SCML4: variants seen among roughly 807,000 people sequenced by gnomAD.
The protein encoded by SCML4 is Scm polycomb group protein like 4, also known as sex comb on midleg-like protein 4.
A neutral mutation model predicts 41.1 loss-of-function variants in SCML4; 34 were observed. That is an observed-to-expected ratio of 0.83 (90% CI 0.63 to 1.10). The LOEUF (loss-of-function observed/expected upper bound fraction) is 1.10. Among genes scored for constraint, SCML4 ranks in the 50% least tolerant of loss-of-function variants. The pLI, the probability that SCML4 is intolerant of heterozygous loss-of-function variation, is 0.00. For synonymous variants in SCML4, 214 were observed against 220.9 expected, an observed-to-expected ratio of 0.97 and a Z score of 0.28; for missense variants, 522 against 534.1, an observed-to-expected ratio of 0.98 and a Z score of 0.22.
Position 107,702,635 on chromosome 6 carries a change from G to A in SCML4, c.*2565C>T, listed in dbSNP as rs1773274744. On this transcript the variant is annotated 3_prime_UTR_variant, in exon 8 of 8. Coordinates refer to ENST00000369020, the MANE Select transcript of SCML4 (RefSeq NM_198081.5). ...GTTCTGAGTACATAACCTGCCCATG[G>A]CTGTTTTGAGGGAAATGTATCTAAC... Among the ~76,000 whole-genome samples, 1 of 152,170 alleles carries A rather than the reference G, an allele frequency of 6.6e-6. No individual in the cohort carries two copies. Among genetic ancestry groups the A allele is most frequent in the South Asian group, 2.1e-4 (1 of 4,834 alleles).
intron 7 of SCML4, among the ~76,000 whole-genome samples, chr6:107,707,432 G>T (rs1773763794): frequency 2.6e-5 from 4 of 152,146 alleles, no homozygotes; most frequent in Admixed American, 2.6e-4. Flanking sequence ...AATGCTATCT[G>T]CTCAGTGAAG....
At chr6:107,734,968 T>C (rs1315416033) in intron 5 of SCML4, among the ~76,000 whole-genome samples, 1 of 152,132 alleles carries the variant, frequency 6.6e-6, no homozygotes, top group Non-Finnish European at 1.5e-5. Context: ...CTCCACCTCC[T>C]GGGTTCAAGA....
At chr6:107,809,041 G>C (rs1002817830) in intron 1 of SCML4, among the ~76,000 whole-genome samples, 1 of 21,362 alleles carries the variant, frequency 4.7e-5, no homozygotes, top group African/African-American at 1.4e-4. Flanking sequence ...TACAGGCGTG[G>C]CTTCTGGGAG....
intron 1 of SCML4, among the ~76,000 whole-genome samples, chr6:107,773,114 C>T (rs930577812): frequency 3.3e-5 from 5 of 152,102 alleles, no homozygotes; most frequent in Admixed American, 1.3e-4. Context: ...AAAAAAGCAT[C>T]GCACATTAAA....
At chr6:107,808,625 AAG>A (rs1206707429) in intron 1 of SCML4, among the ~76,000 whole-genome samples, 8 of 152,174 alleles carry the variant, frequency 5.3e-5, no homozygotes. Flanking sequence ...GAAGTGAGAA[AAG>A]AGAACTCCAG....
intron 2 of SCML4, among the ~76,000 whole-genome samples, chr6:107,755,037 G>A (rs565583749): frequency 8.6e-5 from 13 of 152,008 alleles, no homozygotes; most frequent in Admixed American, 2.0e-4. Context: ...CCAGGAGATC[G>A]AGGCTGCAGT....
At chr6:107,726,532 C>CAAAAAAA (rs59013088) in intron 5 of SCML4, among the ~76,000 whole-genome samples, 2,913 of 72,338 alleles carry the variant, frequency 0.04, 135 homozygotes, top group Admixed American at 0.081. Context: ...GACTCCATCT[C>CAAAAAAA]AAAAAAAAAA....
At chr6:107,830,240 G>A in the SCML4 span, among the ~76,000 whole-genome samples, 11 of 152,264 alleles carry the variant, frequency 7.2e-5, no homozygotes, top group Admixed American at 3.3e-4. Flanking sequence ...AAGGAAAAAC[G>A]ACTCACTCAA....
intron 2 of SCML4, among the ~76,000 whole-genome samples, chr6:107,754,924 G>A (rs985982743): frequency 2.0e-5 from 3 of 152,102 alleles, no homozygotes; most frequent in African/African-American, 7.2e-5. Context: ...ACAACATAGT[G>A]ATATCTCTTT....
intron 1 of SCML4, among the ~76,000 whole-genome samples, chr6:107,795,640 G>A (rs1370305455): frequency 7.9e-5 from 12 of 151,994 alleles, no homozygotes; most frequent in Admixed American, 7.9e-4. Flanking sequence ...TGATTCTCCT[G>A]CCTCAGCCTC....
intron 2 of SCML4, among the ~76,000 whole-genome samples, chr6:107,756,489 C>A (rs185600876): frequency 4.6e-5 from 7 of 152,298 alleles, no homozygotes; most frequent in Non-Finnish European, 1.0e-4. Context: ...TTCTGAGCAA[C>A]TTTCCCAGCC....
chr6:107,716,014 A>G (rs1372251723), intron 6 of SCML4, among the ~76,000 whole-genome samples: 8 of 151,822 alleles, frequency 5.3e-5, no homozygotes, highest in Non-Finnish European at 1.0e-4. Context: ...GTGTGGGGGG[A>G]CCCACAGCAG....
intron 2 of SCML4, among the ~76,000 whole-genome samples, chr6:107,771,719 C>T (rs778839512): frequency 6.6e-6 from 1 of 152,206 alleles, no homozygotes; most frequent in African/African-American, 2.4e-5. Context: ...TTCCCATGTC[C>T]TTTGACACTG....
upstream of SCML4, among the ~76,000 whole-genome samples, chr6:107,828,694 G>A (rs759469650): frequency 7.9e-5 from 12 of 152,172 alleles, no homozygotes; most frequent in Non-Finnish European, 1.5e-4. Flanking sequence ...ACAAGTTTGA[G>A]AACCTTAGGG....
Position 107,728,306 on chromosome 6 carries a change from T to G in SCML4, c.683-7313A>C, listed in dbSNP as rs1208871736. Among the ~76,000 whole-genome samples, 4 of 152,246 alleles carry G rather than the reference T, an allele frequency of 2.6e-5. No individual in the cohort carries two copies. In the East Asian group the frequency reaches 7.7e-4, roughly 29 times the overall value. On this transcript the variant is annotated intron_variant, in intron 5 of 7. Transcript: ENST00000369020. ...GGGGAACAAGGGAACATGCACTGAA[T>G]GGATTTCAAAACTGTTGACAGCGGC...
chr6:107,802,609 A>AGGAC (rs1783247000), intron 1 of SCML4, among the ~76,000 whole-genome samples: 1 of 141,180 alleles, frequency 7.1e-6, no homozygotes, highest in African/African-American at 2.7e-5. Context: ...GAAGGAAGGA[A>AGGAC]GGAAGGAAGG....
intron 1 of SCML4, among the ~76,000 whole-genome samples, chr6:107,798,003 T>C (rs1366173217): frequency 1.3e-5 from 2 of 152,004 alleles, no homozygotes; most frequent in Non-Finnish European, 2.9e-5. Flanking sequence ...ATTTTATGAG[T>C]TGATGAATTT....
intron 1 of SCML4, among the ~76,000 whole-genome samples, chr6:107,776,108 T>C (rs1780923530): frequency 6.6e-6 from 1 of 152,084 alleles, no homozygotes; most frequent in Admixed American, 6.6e-5. Flanking sequence ...TTCTAAGTAC[T>C]GGATATTAGA....
At position 107,741,212 on chromosome 6, in the gene SCML4, A is replaced by G. The variant is rs563386488; in HGVS notation, c.682+3737T>C. ...ACCAGAAATATCCCAGAACTCAAAT[A>G]TGAAGAGGAGACAGTGCCTGGGGCC... On this transcript the variant is annotated intron_variant, in intron 5 of 7. Coordinates refer to ENST00000369020, the MANE Select transcript of SCML4 (RefSeq NM_198081.5). 3.9e-5 allele frequency among the ~76,000 whole-genome samples: 6 copies of G among 152,284 alleles called. No homozygotes were observed. In the South Asian group the frequency reaches 8.3e-4, roughly 21 times the overall value.
Sources: allele counts gnomAD v4.1 joint callset (sites outside exome capture counted in the v4.1 genomes callset), GRCh38; gene constraint gnomAD v4.1.1; transcripts MANE v1.5; gene names NCBI Gene and HGNC (gene_info 2026-07-23, HGNC 2026-07-21).